The following IL7 variants were observed in gnomAD, a reference collection of about 807,000 sequenced individuals.
The protein encoded by IL7 is interleukin 7.
A neutral mutation model predicts 21.6 loss-of-function variants in IL7; 3 were observed. The ratio of observed to expected loss-of-function variants is 0.14; its 90% confidence interval spans 0.06 to 0.36. The LOEUF is 0.36. Ranked by LOEUF, IL7 falls within the 10% of genes least tolerant of loss-of-function variation. The probability of loss-of-function intolerance (pLI) is 1.00; values close to 1 mark genes in which losing one functional copy is unlikely to be tolerated. For synonymous variants in IL7, 62 were observed against 68.1 expected (o/e 0.91, Z 0.44); for missense variants, 175 against 200.2 (o/e 0.87, Z 0.76).
chr8:78,785,287 G>A (rs576711322), intron 2 of IL7, among the ~76,000 whole-genome samples: 2 of 152,140 alleles, frequency 1.3e-5, no homozygotes, highest in Admixed American at 1.3e-4. Context: ...TCCATTCGAT[G>A]AATTTTCTTT....
intron 3 of IL7, among the ~76,000 whole-genome samples, chr8:78,704,805 T>C (rs913527682): frequency 1.3e-5 from 2 of 152,194 alleles, no homozygotes; most frequent in African/African-American, 4.8e-5. Flanking sequence ...CTTTTCATCC[T>C]TTTTTTCTCT....
intron 3 of IL7, chr8:78,697,429 A>G: frequency 1.9e-6 from 3 of 1,601,408 alleles, no homozygotes; most frequent in Non-Finnish European, 2.6e-6. Flanking sequence ...GCACTTAAAA[A>G]GTCAAATTCT....
chr8:78,720,788 A>G (rs1303000800), intron 5 of IL7, among the ~76,000 whole-genome samples: 1 of 151,948 alleles, frequency 6.6e-6, no homozygotes, highest in African/African-American at 2.4e-5. Context: ...TCACTTATGG[A>G]CAATACATGG....
intron 2 of IL7, among the ~76,000 whole-genome samples, chr8:78,768,646 A>T (rs1177918285): frequency 6.6e-6 from 1 of 151,140 alleles, no homozygotes; most frequent in African/African-American, 2.4e-5. Context: ...AATTTGTTTG[A>T]GTTCATTGTA....
chr8:78,712,019 G>T, intron 3 of IL7: 2 of 1,289,572 alleles, frequency 1.6e-6, no homozygotes, highest in Non-Finnish European at 2.0e-6. Flanking sequence ...CCTCCACTTC[G>T]AACGGGAAGA....
intron 3 of IL7, among the ~76,000 whole-genome samples, chr8:78,693,480 C>T (rs1433382081): frequency 6.6e-6 from 1 of 152,146 alleles, no homozygotes; most frequent in Non-Finnish European, 1.5e-5. Flanking sequence ...CTCTGATGGC[C>T]AGTAATGATG....
intron 2 of IL7, among the ~76,000 whole-genome samples, chr8:78,757,122 G>C (rs1428660200): frequency 6.6e-6 from 1 of 150,858 alleles, no homozygotes; most frequent in East Asian, 1.9e-4. Flanking sequence ...TTTTCATTTT[G>C]ATCTTCATTT....
rs147125800 is a variant in IL7, at chr8:78,757,382, C to T, written c.148-17300G>A. Among the ~76,000 whole-genome samples the T allele has an allele frequency of 2.3e-3, 343 of 152,020 alleles. 2 individuals carry two copies. The highest frequency in any genetic ancestry group is 2.4e-3 in the Non-Finnish European group (162 of 67,898). ...TCTGTAGCTGTTGGATAAAATATTA[C>T]GTAAATACCTGCTAGGTCCACTTGG... On this transcript the variant is annotated intron_variant, in intron 2 of 5. Transcript: ENST00000263851.
At chr8:78,741,019 C>CTA (rs1586058408) in intron 2 of IL7, among the ~76,000 whole-genome samples, 2 of 152,310 alleles carry the variant, frequency 1.3e-5, no homozygotes, top group African/African-American at 4.8e-5. Context: ...CAACTCCATG[C>CTA]TATCAGAGCT....
intron 2 of IL7, among the ~76,000 whole-genome samples, chr8:78,779,990 T>C (rs1813270991): frequency 1.3e-5 from 2 of 152,198 alleles, no homozygotes; most frequent in Non-Finnish European, 2.9e-5. Flanking sequence ...CAGGAATTTA[T>C]CCATTTCTTC....
chr8:78,697,376 G>T, intron 3 of IL7: 1 of 1,515,166 alleles, frequency 6.6e-7, no homozygotes. Context: ...AAAAAGTGAT[G>T]TTGATTAATA....
chr8:78,698,038 A>G (rs750031474), intron 3 of IL7, among the ~76,000 whole-genome samples: 20 of 152,042 alleles, frequency 1.3e-4, no homozygotes, highest in Non-Finnish European at 2.4e-4. Flanking sequence ...TATTGATGTC[A>G]TCTGTTCAGA....
At chr8:78,758,196 G>A (rs183186865) in intron 2 of IL7, among the ~76,000 whole-genome samples, 49 of 152,090 alleles carry the variant, frequency 3.2e-4, no homozygotes, top group African/African-American at 1.2e-3. Context: ...TGGGTCTTTT[G>A]TGTTTTCTTT....
Position 78,721,772 on chromosome 8 carries a change from G to A in IL7, n.268-332C>T, listed in dbSNP as rs2919936. On this transcript the variant is annotated intron_variant and non_coding_transcript_variant, in intron 3 of 6. Transcript: ENST00000519833. ...TTTTGAAAAGGTCGATTAAATTTAC[G>A]TTAAAAGCCTTTACAACATTTGTGC... Among the ~76,000 whole-genome samples the A allele has an allele frequency of 4.0e-5, 6 of 151,240 alleles. No homozygotes were observed. In the East Asian group the frequency reaches 1.2e-3, roughly 29 times the overall value.
intron 3 of IL7, among the ~76,000 whole-genome samples, chr8:78,704,387 CAAA>C (rs1307275741): frequency 7.7e-5 from 5 of 65,284 alleles, no homozygotes; most frequent in Admixed American, 1.8e-4. Flanking sequence ...GACTCCATCT[CAAA>C]AAAAAAAAAA....
intron 2 of IL7, among the ~76,000 whole-genome samples, chr8:78,787,213 G>A (rs1449218257): frequency 6.6e-6 from 1 of 152,144 alleles, no homozygotes; most frequent in Non-Finnish European, 1.5e-5. Flanking sequence ...ACAGCCAGTT[G>A]GTCAGAAGCA....
At chr8:78,804,467 C>T (rs912723135) in intron 1 of IL7, among the ~76,000 whole-genome samples, 2 of 152,292 alleles carry the variant, frequency 1.3e-5, no homozygotes, top group Admixed American at 6.5e-5. Context: ...GGGAGCTTCG[C>T]TTTCACTTCT....
At chr8:78,683,710 A>G (rs755271592) in intron 4 of IL7, among the ~76,000 whole-genome samples, 17 of 152,090 alleles carry the variant, frequency 1.1e-4, no homozygotes, top group Non-Finnish European at 1.9e-4. Context: ...AAATTTTTTC[A>G]GCAGCCATGA....
At chr8:78,692,786 G>T (rs756389255) in intron 3 of IL7, among the ~76,000 whole-genome samples, 3 of 151,990 alleles carry the variant, frequency 2.0e-5, no homozygotes, top group Admixed American at 6.6e-5. Flanking sequence ...CAACGTGCAG[G>T]TTTGTTACAT....
Sources: allele counts gnomAD v4.1 joint callset (sites outside exome capture counted in the v4.1 genomes callset), GRCh38; gene constraint gnomAD v4.1.1; transcripts MANE v1.5; gene names NCBI Gene and HGNC (gene_info 2026-07-23, HGNC 2026-07-21).